The following TESK2 variants were observed in gnomAD, a reference collection of about 807,000 sequenced individuals.
The protein encoded by TESK2 is dual specificity testis-specific protein kinase 2.
In TESK2, 39 loss-of-function variants were observed where a neutral mutation model predicts 57.1. The observed-to-expected ratio is 0.68, with a 90% CI of 0.53 to 0.89. The LOEUF (loss-of-function observed/expected upper bound fraction) is 0.89. Among genes scored for constraint, TESK2 ranks in the 40% least tolerant of loss-of-function variants. The pLI, the probability that TESK2 is intolerant of heterozygous loss-of-function variation, is 0.00. For missense variants in TESK2, 646 were observed against 732.1 expected (o/e 0.88, Z 1.36); for synonymous variants, 249 against 267.9 (o/e 0.93, Z 0.69).
intron 1 of TESK2, among the ~76,000 whole-genome samples, chr1:45,467,474 G>A (rs1337873856): frequency 1.3e-5 from 2 of 151,824 alleles, no homozygotes; most frequent in African/African-American, 2.4e-5. Flanking sequence ...CCTCCCTAGA[G>A]GCACGCGCCA....
chr1:45,402,420 A>G (rs1395049699), intron 3 of TESK2, among the ~76,000 whole-genome samples: 1 of 151,350 alleles, frequency 6.6e-6, no homozygotes, highest in Non-Finnish European at 1.5e-5. Flanking sequence ...AGAAAAAGAA[A>G]AAAGAAAAAG....
intron 3 of TESK2, among the ~76,000 whole-genome samples, chr1:45,392,462 C>T (rs541936917): frequency 2.3e-3 from 346 of 151,344 alleles, no homozygotes; most frequent in Middle Eastern, 0.01. Flanking sequence ...CAGCACTTTG[C>T]GAGGCAGAAG....
At chr1:45,462,687 G>A (rs1320003192) in intron 1 of TESK2, among the ~76,000 whole-genome samples, 1 of 152,162 alleles carries the variant, frequency 6.6e-6, no homozygotes, top group African/African-American at 2.4e-5. Flanking sequence ...TGTAAACAGT[G>A]CTGTAATAAA....
intron 5 of TESK2, among the ~76,000 whole-genome samples, chr1:45,353,422 T>A (rs1212215037): frequency 6.6e-6 from 1 of 152,230 alleles, no homozygotes; most frequent in African/African-American, 2.4e-5. Context: ...CAAATGACTC[T>A]GCCACACACC....
In TESK2 at chr1:45,413,116, G is replaced by A. The variant is rs77754428; in HGVS notation, c.344+8609C>T. Among the ~76,000 whole-genome samples the A allele has an allele frequency of 1.3e-3, 201 of 152,334 alleles. 3 individuals are homozygous for A. The highest frequency in any genetic ancestry group is 0.011 in the Admixed American group (165 of 15,306). On this transcript the variant is annotated intron_variant, in intron 3 of 10. Coordinates refer to ENST00000372086, the MANE Select transcript of TESK2 (RefSeq NM_007170.3). ...GATCTTGAGCATAAGACTTCCTGGC[G>A]TAAACAACCTTATTCACAAGAGACC...
intron 2 of TESK2, among the ~76,000 whole-genome samples, chr1:45,439,567 C>T (rs1651357581): frequency 6.6e-6 from 1 of 152,136 alleles, no homozygotes; most frequent in Non-Finnish European, 1.5e-5. Context: ...TTCTCAACAA[C>T]TCTAAAGGTA....
chr1:45,371,331 T>C (rs1648169697), intron 4 of TESK2, among the ~76,000 whole-genome samples: 1 of 152,166 alleles, frequency 6.6e-6, no homozygotes, highest in African/African-American at 2.4e-5. Context: ...TAATTTACAC[T>C]AGCCAAGAGG....
In TESK2 at chr1:45,363,331, G is replaced by A. The variant is rs74968613; in HGVS notation, c.394-7882C>T. On this transcript the variant is annotated intron_variant, in intron 4 of 10. Coordinates refer to ENST00000372086, the MANE Select transcript of TESK2 (RefSeq NM_007170.3). The stretch of plus-strand genomic sequence containing the variant: ...GTTTTCTTGCCCCCTTTTGCATCTT[G>A]AAAAGATTTAGCCCTCATTCCAATC... Among the ~76,000 whole-genome samples, 336 of 152,162 alleles carry A rather than the reference G, an allele frequency of 2.2e-3. 7 individuals carry two copies. In the East Asian group the frequency reaches 0.032, roughly 14 times the overall value.
intron 4 of TESK2, among the ~76,000 whole-genome samples, chr1:45,359,771 C>T (rs770689705): frequency 1.3e-5 from 2 of 150,680 alleles, no homozygotes; most frequent in Non-Finnish European, 3.0e-5. Flanking sequence ...GGCTGAGGCA[C>T]GAGAATCACT....
intron 3 of TESK2, among the ~76,000 whole-genome samples, chr1:45,418,443 A>G (rs917698044): frequency 6.6e-6 from 1 of 152,312 alleles, no homozygotes; most frequent in Middle Eastern, 3.4e-3. Flanking sequence ...ATAAACTACA[A>G]TCCTTTGGAT....
chr1:45,426,113 T>G, intron 2 of TESK2, among the ~76,000 whole-genome samples: 1 of 152,090 alleles, frequency 6.6e-6, no homozygotes. Context: ...ATTGCACCAC[T>G]GCACTCCAGC....
intron 4 of TESK2, among the ~76,000 whole-genome samples, chr1:45,371,971 G>A (rs1390023643): frequency 3.3e-5 from 5 of 152,048 alleles, no homozygotes; most frequent in African/African-American, 1.2e-4. Flanking sequence ...GATGAAAAAG[G>A]CCAGCCATAG....
chr1:45,384,516 C>T (rs769189914), intron 4 of TESK2, among the ~76,000 whole-genome samples: 8 of 150,758 alleles, frequency 5.3e-5, no homozygotes, highest in Non-Finnish European at 1.2e-4. Flanking sequence ...AACTCCTGGG[C>T]TCAAGCAATC....
intron 1 of TESK2, among the ~76,000 whole-genome samples, chr1:45,469,036 C>T (rs1652663112): frequency 6.6e-6 from 1 of 152,046 alleles, no homozygotes; most frequent in Non-Finnish European, 1.5e-5. Context: ...AAGTTCAAAA[C>T]TTTTTCTTTT....
chr1:45,482,096 A>C (rs1172430353), intron 1 of TESK2, among the ~76,000 whole-genome samples: 1 of 152,206 alleles, frequency 6.6e-6, no homozygotes. Context: ...CACAGTAAAA[A>C]GTGATCTCTC....
At chr1:45,383,097 T>G (rs1648729859) in intron 4 of TESK2, among the ~76,000 whole-genome samples, 1 of 152,194 alleles carries the variant, frequency 6.6e-6, no homozygotes, top group African/African-American at 2.4e-5. Context: ...CTGTAATTAT[T>G]GACAAATAAA....
At position 45,345,075 on chromosome 1, in the gene TESK2, T is replaced by G. The variant is rs763253337; in HGVS notation, c.1481A>C (p.Lys494Thr). ...AGATGCCCGGAATGGTGGGATCTCT[T>G]TAACTCTGTACTTGAGACTACTTAG... ...PRLSSLKYRV[K>T]EIPPFRASAL... The change falls in exon 11 of 11, where the codon AAA becomes ACA. Residue 494 changes from lysine (K) to threonine (T), a missense_variant. By Grantham distance (78) the Lys-to-Thr change is moderately conservative. Coordinates refer to ENST00000372086, the MANE Select transcript of TESK2 (RefSeq NM_007170.3). 8.1e-6 allele frequency: 13 copies of G among 1,614,076 alleles called. No homozygotes were observed. Among genetic ancestry groups the G allele is most frequent in the Middle Eastern group, 1.6e-4 (1 of 6,084 alleles).
At chr1:45,392,580 A>T (rs1477217969) in intron 3 of TESK2, among the ~76,000 whole-genome samples, 2 of 152,176 alleles carry the variant, frequency 1.3e-5, no homozygotes, top group Admixed American at 1.3e-4. Context: ...ACATGCCTGT[A>T]ATCCCAGATA....
At chr1:45,468,494 C>T (rs781060) in intron 1 of TESK2, among the ~76,000 whole-genome samples, 31,053 of 152,034 alleles carry the variant, frequency 0.2, 3,476 homozygotes, top group Non-Finnish European at 0.26. Context: ...AAGATATACA[C>T]GTACAAACCC....
Sources: gnomAD v4.1 joint callset for allele counts (sites outside exome capture counted in the v4.1 genomes callset) on GRCh38, gnomAD v4.1.1 for gene constraint, MANE v1.5 for transcripts, NCBI Gene and HGNC (gene_info 2026-07-23, HGNC 2026-07-21) for gene names.